Variants in SCTR observed in about 807,000 individuals in gnomAD.
SCTR encodes pancreatic secretin receptor.
Under a neutral mutation model 60.8 loss-of-function variants are expected in SCTR, and 56 were observed. That is an observed-to-expected ratio of 0.92 (90% CI 0.74 to 1.15). The LOEUF (loss-of-function observed/expected upper bound fraction) is 1.15, where lower values mean the gene tolerates loss of function less well. SCTR is among the 50% of genes most tolerant of loss of function. SCTR has a pLI of 0.00. For missense variants in SCTR, 562 were observed against 550.4 expected, an observed-to-expected ratio of 1.02 and a Z score of -0.21; for synonymous variants, 202 against 217.0, an observed-to-expected ratio of 0.93 and a Z score of 0.61.
intron 7 of SCTR, among the ~76,000 whole-genome samples, chr2:119,455,121 G>A (rs772737009): frequency 1.3e-5 from 2 of 152,014 alleles, no homozygotes; most frequent in African/African-American, 2.4e-5. Flanking sequence ...CCTGGTCCCC[G>A]GGCCGCTCAG....
chr2:119,511,319 C>T (rs1171884616), intron 1 of SCTR, among the ~76,000 whole-genome samples: 1 of 152,080 alleles, frequency 6.6e-6, no homozygotes, highest in Non-Finnish European at 1.5e-5. Context: ...TTTAAAATCT[C>T]CCTACATATA....
At position 119,444,412 on chromosome 2, in the gene SCTR, T is replaced by TATACACATATACGTATGAATATAC. The variant is rs1558831200; in HGVS notation, c.1140+2346_1140+2347insGTATATTCATACGTATATGTGTAT. On this transcript the variant is annotated intron_variant, in intron 11 of 12. Transcript: ENST00000019103. ...ATATACACATATACGTATGAATATA[T>TATACACATATACGTATGAATATAC]ATACCCATATACGTATGAATATACA... Among the ~76,000 whole-genome samples, 114 of 133,770 alleles carry TATACACATATACGTATGAATATAC rather than the reference T, an allele frequency of 8.5e-4. 2 individuals are homozygous for TATACACATATACGTATGAATATAC. Among genetic ancestry groups the TATACACATATACGTATGAATATAC allele is most frequent in the African/African-American group, 3.5e-3 (107 of 30,726 alleles). 87.8% of individuals were successfully genotyped at this position (133,770 alleles called of 152,430 possible).
At chr2:119,511,144 A>G (rs1199557485) in intron 1 of SCTR, among the ~76,000 whole-genome samples, 1 of 152,100 alleles carries the variant, frequency 6.6e-6, no homozygotes, top group African/African-American at 2.4e-5. Flanking sequence ...CAGAGCTTGC[A>G]GTGAGCCCAG....
chr2:119,512,317 C>T (rs992830379), intron 1 of SCTR, among the ~76,000 whole-genome samples: 2 of 63,220 alleles, frequency 3.2e-5, no homozygotes, highest in African/African-American at 8.3e-5. Flanking sequence ...TTCCCCTTCC[C>T]CTTCCCCTTC....
intron 5 of SCTR, among the ~76,000 whole-genome samples, chr2:119,465,120 C>T (rs6750751): frequency 0.18 from 26,930 of 152,188 alleles, 2,532 homozygotes; most frequent in East Asian, 0.3. Flanking sequence ...AGTGCTCCAT[C>T]GCTGTCCATA....
At chr2:119,524,124 T>C (rs1041127258) in intron 1 of SCTR, 31 bp downstream of exon 1, 2 of 1,529,552 alleles carry the variant, frequency 1.3e-6, no homozygotes, top group East Asian at 2.5e-5. Flanking sequence ...CTCCCTCGGG[T>C]CCCCAGCCTG....
intron 11 of SCTR, 105 bp from the exon 12 acceptor site, chr2:119,441,704 G>A (rs1682663256): frequency 1.0e-6 from 1 of 957,620 alleles, no homozygotes; most frequent in African/African-American, 1.6e-5. Flanking sequence ...ACCAGCTACA[G>A]GCTCATTTCC....
chr2:119,474,867 T>A (rs1430491726), intron 3 of SCTR, among the ~76,000 whole-genome samples: 1 of 152,212 alleles, frequency 6.6e-6, no homozygotes, highest in South Asian at 2.1e-4. Context: ...TCCTCTGAGA[T>A]CTGGGCATGC....
At chr2:119,467,670 G>A (rs534744249) in intron 4 of SCTR, among the ~76,000 whole-genome samples, 7 of 151,548 alleles carry the variant, frequency 4.6e-5, no homozygotes, top group Non-Finnish European at 1.0e-4. Flanking sequence ...ATTTATACAT[G>A]AAGATGTTTA....
rs559502310 is a variant in SCTR at position 119,441,200 on chromosome 2, C to A, written c.1182+358G>T. On this transcript the variant is annotated intron_variant, in intron 12 of 12. Transcript: ENST00000019103. ...ATCGCCCATTAAGCAAGCAGCAGGGCAGTCAGGAACCTGGGTTCTGCCCAA... is the reference window on the plus strand; with the variant it reads ...ATCGCCCATTAAGCAAGCAGCAGGGAAGTCAGGAACCTGGGTTCTGCCCAA... Among the ~76,000 whole-genome samples the A allele has an allele frequency of 3.9e-5, 6 of 152,332 alleles. No individual in the cohort carries two copies. In the South Asian group the frequency reaches 1.2e-3, roughly 32 times the overall value.
chr2:119,509,857 C>T (rs1403172450), intron 1 of SCTR, among the ~76,000 whole-genome samples: 1 of 152,102 alleles, frequency 6.6e-6, no homozygotes, highest in African/African-American at 2.4e-5. Flanking sequence ...TACTTTCTGA[C>T]TCTAAGAATT....
At chr2:119,474,419 C>G (rs2587705) in intron 3 of SCTR, among the ~76,000 whole-genome samples, 86,712 of 152,110 alleles carry the variant, frequency 0.57, 26,809 homozygotes, top group Non-Finnish European at 0.69. Flanking sequence ...CTTGGAAGGC[C>G]ACCGTGAGGA....
intron 1 of SCTR, among the ~76,000 whole-genome samples, chr2:119,516,906 T>G (rs1376329561): frequency 6.6e-6 from 1 of 152,170 alleles, no homozygotes; most frequent in African/African-American, 2.4e-5. Context: ...AGGCAGAGGT[T>G]GCAGTGAGCT....
At chr2:119,453,373 G>A (rs1243092381) in intron 7 of SCTR, 26 bp from the exon 8 acceptor site, 3 of 1,589,096 alleles carry the variant, frequency 1.9e-6, no homozygotes, top group Non-Finnish European at 2.6e-6. Flanking sequence ...AAAGGGAGGG[G>A]CAGAAGAGAG....
intron 1 of SCTR, among the ~76,000 whole-genome samples, chr2:119,510,427 G>C (rs1457121461): frequency 6.6e-6 from 1 of 152,158 alleles, no homozygotes; most frequent in Non-Finnish European, 1.5e-5. Flanking sequence ...GGTCCCCAGG[G>C]TTGCTGGGAG....
At chr2:119,440,281 C>G in intron 12 of SCTR, 24 bp from the exon 13 acceptor site, 1 of 1,605,014 alleles carries the variant, frequency 6.2e-7, no homozygotes, top group Admixed American at 1.7e-5. Flanking sequence ...CAGCCATCAG[C>G]CCAGGAGGAG....
At chr2:119,518,916 G>A (rs560129644) in intron 1 of SCTR, among the ~76,000 whole-genome samples, 1 of 152,318 alleles carries the variant, frequency 6.6e-6, no homozygotes, top group African/African-American at 2.4e-5. Context: ...GACAGGGTGA[G>A]GTTGGGAAGT....
chr2:119,505,533 A>G (rs1678710865), intron 1 of SCTR, among the ~76,000 whole-genome samples: 1 of 152,186 alleles, frequency 6.6e-6, no homozygotes, highest in Non-Finnish European at 1.5e-5. Flanking sequence ...GCCATAAAAA[A>G]TGATGAGTTC....
chr2:119,453,263 G>A, intron 8 of SCTR, 24 bp downstream of exon 8: 2 of 1,553,090 alleles, frequency 1.3e-6, no homozygotes, highest in Non-Finnish European at 1.8e-6. Flanking sequence ...ATACATTCTT[G>A]TTATCCTCCT....
Sources: allele counts gnomAD v4.1 joint callset (sites outside exome capture counted in the v4.1 genomes callset), GRCh38; gene constraint gnomAD v4.1.1; transcripts MANE v1.5; gene names NCBI Gene and HGNC (gene_info 2026-07-23, HGNC 2026-07-21).